Variants in ATOSA observed in about 807,000 individuals in gnomAD.
ATOSA encodes the protein atos homolog protein A.
At chr15:52,611,587 G>A in the ATOSA span, 1 of 1,613,976 alleles carries the variant, frequency 6.2e-7, no homozygotes, top group Non-Finnish European at 8.5e-7. Flanking sequence ...TCGAGGAACT[G>A]GCTCCAAGAT....
At chr15:52,621,634 C>G in the ATOSA span, among the ~76,000 whole-genome samples, 1 of 152,046 alleles carries the variant, frequency 6.6e-6, no homozygotes, top group South Asian at 2.1e-4. Context: ...CTCATTAAGT[C>G]TCATGAGATC....
chr15:52,692,590 G>A, the ATOSA span, among the ~76,000 whole-genome samples: 10 of 152,160 alleles, frequency 6.6e-5, 1 homozygote, highest in East Asian at 1.7e-3. Context: ...CTGAGCTCAA[G>A]CCATCGTCCT....
the ATOSA span, among the ~76,000 whole-genome samples, chr15:52,621,696 G>C: frequency 6.6e-6 from 1 of 152,112 alleles, no homozygotes; most frequent in Non-Finnish European, 1.5e-5. Flanking sequence ...CTTGCTTGCT[G>C]CCACTTAAGA....
the ATOSA span, among the ~76,000 whole-genome samples, chr15:52,703,800 C>A: frequency 7.0e-4 from 106 of 152,032 alleles, no homozygotes; most frequent in African/African-American, 2.4e-3. Flanking sequence ...ATGTAACAAA[C>A]CTTCACGTTG....
the ATOSA span, among the ~76,000 whole-genome samples, chr15:52,614,358 G>A: frequency 1.6e-4 from 24 of 151,082 alleles, no homozygotes; most frequent in African/African-American, 5.1e-4. Flanking sequence ...CACCCGCCTC[G>A]GCCTCCCAAT....
At chr15:52,587,422 A>T in the ATOSA span, 3 of 469,606 alleles carry the variant, frequency 6.4e-6, no homozygotes, top group Non-Finnish European at 1.1e-5. Context: ...GTCGCTATAA[A>T]GAATATATAA....
At chr15:52,584,836 C>T in the ATOSA span, 3 of 1,613,528 alleles carry the variant, frequency 1.9e-6, no homozygotes, top group African/African-American at 1.3e-5. Context: ...TTAACAGGTA[C>T]AGAAAAAGTT....
the ATOSA span, among the ~76,000 whole-genome samples, chr15:52,670,367 C>T: frequency 2.0e-5 from 3 of 152,188 alleles, no homozygotes; most frequent in Non-Finnish European, 2.9e-5. Context: ...TCCCACAAGG[C>T]TTAAGGTTGA....
the ATOSA span, among the ~76,000 whole-genome samples, chr15:52,702,499 T>C: frequency 3.3e-5 from 5 of 151,984 alleles, no homozygotes; most frequent in Admixed American, 6.6e-5. Flanking sequence ...AAGTAAATAA[T>C]TGCAGGAACA....
chr15:52,685,686 C>T, the ATOSA span, among the ~76,000 whole-genome samples: 2 of 151,928 alleles, frequency 1.3e-5, no homozygotes, highest in South Asian at 2.1e-4. Context: ...TGCCTGGCCT[C>T]GGCCTCGCAA....
the ATOSA span, among the ~76,000 whole-genome samples, chr15:52,685,161 A>T: frequency 6.6e-6 from 1 of 152,248 alleles, no homozygotes; most frequent in African/African-American, 2.4e-5. Flanking sequence ...AGACATTTGA[A>T]AATCAGTCAT....
the ATOSA span, among the ~76,000 whole-genome samples, chr15:52,700,449 G>C: frequency 6.6e-6 from 1 of 152,240 alleles, no homozygotes; most frequent in Admixed American, 6.5e-5. Context: ...TGTATTTTGA[G>C]GGAAAGAGTC....
At chr15:52,584,092 A>G in the ATOSA span, among the ~76,000 whole-genome samples, 15 of 135,662 alleles carry the variant, frequency 1.1e-4, no homozygotes, top group African/African-American at 1.7e-4. Flanking sequence ...CTCAAGAAGA[A>G]AAAAAAAAAA....
chr15:52,634,562 G>T, the ATOSA span, among the ~76,000 whole-genome samples: 1 of 150,056 alleles, frequency 6.7e-6, no homozygotes, highest in Non-Finnish European at 1.5e-5. Context: ...TAAAAAGCAA[G>T]ACACAACTAT....
At chr15:52,608,458 G>T in the ATOSA span, 1 of 1,057,066 alleles carries the variant, frequency 9.5e-7, no homozygotes, top group Non-Finnish European at 1.3e-6. Flanking sequence ...CAGACTGTGT[G>T]TCCTATAGAT....
chr15:52,583,100 TCA>T, the ATOSA span, among the ~76,000 whole-genome samples: 1 of 152,324 alleles, frequency 6.6e-6, no homozygotes, highest in South Asian at 2.1e-4. Flanking sequence ...TCTGACTGGC[TCA>T]CTCTTCCCTC....
At chr15:52,663,213 T>C in the ATOSA span, among the ~76,000 whole-genome samples, 1 of 152,206 alleles carries the variant, frequency 6.6e-6, no homozygotes, top group Non-Finnish European at 1.5e-5. Flanking sequence ...AATCTCTAAA[T>C]TTTTATCTAT....
At chr15:52,659,670 T>C in the ATOSA span, among the ~76,000 whole-genome samples, 4 of 152,060 alleles carry the variant, frequency 2.6e-5, no homozygotes, top group East Asian at 3.8e-4. Flanking sequence ...ATTTAAGCTA[T>C]CTAAGTACAG....
chr15:52,593,083 C>G, the ATOSA span, among the ~76,000 whole-genome samples: 1 of 151,712 alleles, frequency 6.6e-6, no homozygotes, highest in Non-Finnish European at 1.5e-5. Flanking sequence ...AAGTTTGAGG[C>G]TACAGTGGGC....
Sources: allele counts gnomAD v4.1 joint callset (sites outside exome capture counted in the v4.1 genomes callset), GRCh38; gene constraint gnomAD v4.1.1; transcripts MANE v1.5; gene names NCBI Gene and HGNC (gene_info 2026-07-23, HGNC 2026-07-21).